WDR89: variants seen among roughly 807,000 people sequenced by gnomAD.
The protein encoded by WDR89 is WD repeat-containing protein 89.
In WDR89, 17 loss-of-function variants were observed where a neutral mutation model predicts 29.1. The observed-to-expected ratio is 0.58, with a 90% CI of 0.40 to 0.88. The LOEUF (loss-of-function observed/expected upper bound fraction) is 0.88. Ranked by LOEUF, WDR89 falls within the 40% of genes least tolerant of loss-of-function variation. The pLI is 0.00. For synonymous variants in WDR89, 138 were observed against 157.8 expected, an observed-to-expected ratio of 0.87 and a Z score of 0.94; for missense variants, 396 against 456.3, an observed-to-expected ratio of 0.87 and a Z score of 1.20.
chr14:63,599,922 T>G lies in WDR89; in HGVS notation c.21A>C (p.Gln7His). The part of the protein sequence containing the change: MEKIEE[Q>H]FANLHIVKCS... ...ATTTAACAATGTGCAGATTAGCAAA[T>G]TGTTCCTCAATCTTTTCCATGTCAA... The change falls in exon 3 of 3, where the codon CAA becomes CAC. Residue 7 changes from glutamine (Q) to histidine (H), a missense_variant. By Grantham distance (24) the Gln-to-His change is conservative. Transcript: ENST00000620954. The G allele has an allele frequency of 6.2e-7, 1 of 1,601,650 alleles. No individual in the cohort carries two copies. Among genetic ancestry groups the G allele is most frequent in the Middle Eastern group, 1.7e-4 (1 of 6,012 alleles).
At chr14:63,608,142 G>A (rs1043449989) in intron 2 of WDR89, among the ~76,000 whole-genome samples, 1 of 152,124 alleles carries the variant, frequency 6.6e-6, no homozygotes, top group African/African-American at 2.4e-5. Context: ...GGAGGCGGAG[G>A]TTGCAGTGAG....
Position 63,598,831 on chromosome 14 carries a change from T to TC in WDR89, c.1111_1112insG (p.Gln371ArgfsTer7). 2 of 1,612,464 alleles carry TC rather than the reference T, an allele frequency of 1.2e-6. No homozygotes were observed. Among genetic ancestry groups the TC allele is most frequent in the Non-Finnish European group, 1.7e-6 (2 of 1,179,396 alleles). ...ATCATTACTATGAACTCGTACTCGT[T>TC]GGTGCACAGAGGATGCTATTTTCAT... On this transcript the variant is annotated frameshift_variant, in exon 3 of 3. Coordinates refer to ENST00000620954, the MANE Select transcript of WDR89 (RefSeq NM_080666.4). LOFTEE classifies it high-confidence loss of function.
At chr14:63,608,033 C>G (rs1271516551) in intron 2 of WDR89, among the ~76,000 whole-genome samples, 1 of 152,004 alleles carries the variant, frequency 6.6e-6, no homozygotes, top group Non-Finnish European at 1.5e-5. Context: ...TGGTGAAACC[C>G]CATCTCTACT....
intron 1 of WDR89, among the ~76,000 whole-genome samples, chr14:63,631,119 A>C (rs373666802): frequency 6.6e-6 from 1 of 152,176 alleles, no homozygotes; most frequent in East Asian, 1.9e-4. Flanking sequence ...TCTCACCACA[A>C]AGTGATCAAC....
intron 1 of WDR89, among the ~76,000 whole-genome samples, chr14:63,625,397 T>C (rs1363144097): frequency 1.6e-5 from 2 of 126,748 alleles, no homozygotes; most frequent in Non-Finnish European, 3.1e-5. Flanking sequence ...TTCATCAAAC[T>C]ACATACTTAC....
chr14:63,641,235 A>G (rs1172558371), intron 1 of WDR89: 1 of 152,256 alleles, frequency 6.6e-6, no homozygotes, highest in Non-Finnish European at 1.5e-5. Flanking sequence ...AGCTAAAGAA[A>G]ACACAAGAAT....
At chr14:63,601,755 G>C (rs567707699) in intron 2 of WDR89, 1 of 1,340,608 alleles carries the variant, frequency 7.5e-7, no homozygotes, top group Non-Finnish European at 1.1e-6. Flanking sequence ...AGTAGTTCTA[G>C]ATGACAAGGA....
chr14:63,607,211 G>A (rs184134389), intron 2 of WDR89, among the ~76,000 whole-genome samples: 54 of 152,190 alleles, frequency 3.5e-4, no homozygotes, highest in Non-Finnish European at 6.2e-4. Context: ...TGCCCAGGCT[G>A]GACTGCAGTG....
At chr14:63,641,600 C>G (rs552293309) in intron 1 of WDR89, among the ~76,000 whole-genome samples, 1 of 152,266 alleles carries the variant, frequency 6.6e-6, no homozygotes, top group Admixed American at 6.5e-5. Flanking sequence ...TTGGCCAGGG[C>G]CAGCACAGGT....
At chr14:63,614,619 G>GA (rs1385564446) in intron 2 of WDR89, among the ~76,000 whole-genome samples, 4 of 152,132 alleles carry the variant, frequency 2.6e-5, no homozygotes, top group African/African-American at 9.7e-5. Flanking sequence ...TGTCCTAGAG[G>GA]AAACAATACC....
chr14:63,607,795 C>T (rs184870850), intron 2 of WDR89, among the ~76,000 whole-genome samples: 1 of 150,516 alleles, frequency 6.6e-6, no homozygotes, highest in Admixed American at 6.6e-5. Flanking sequence ...GCAGGAGAAT[C>T]GCTTGAACCC....
chr14:63,599,178 A>T lies in WDR89; in HGVS notation c.765T>A (p.Val255=), dbSNP rs1366859655. 3.7e-6 allele frequency: 6 copies of T among 1,611,252 alleles called. No individual in the cohort carries two copies. Among genetic ancestry groups the T allele is most frequent in the Non-Finnish European group, 5.1e-6 (6 of 1,178,112 alleles). Residue 255 remains valine, a synonymous_variant, in exon 3 of 3, where the codon GTT becomes GTA. Coordinates refer to ENST00000620954, the MANE Select transcript of WDR89 (RefSeq NM_080666.4). ...TGACATCCTGGATGTTCAAACGTGTAACTGGTTCATCAGTGTCCAGATGAT... is the reference window on the plus strand; with the variant it reads ...TGACATCCTGGATGTTCAAACGTGTTACTGGTTCATCAGTGTCCAGATGAT... The part of the protein sequence containing the change: ...DLNHLDTDEP[V]TRLNIQDVRE...
At chr14:63,621,926 C>G (rs1232279150) in intron 2 of WDR89, 1 of 152,156 alleles carries the variant, frequency 6.6e-6, no homozygotes, top group Non-Finnish European at 1.5e-5. Context: ...GATTCACTGC[C>G]AGCAAAACTG....
At chr14:63,604,296 C>A (rs1895213680) in intron 2 of WDR89, among the ~76,000 whole-genome samples, 1 of 152,074 alleles carries the variant, frequency 6.6e-6, no homozygotes, top group Admixed American at 6.6e-5. Context: ...TGTGGTAGTG[C>A]ACGCCTGTAG....
chr14:63,632,357 G>C (rs190270428), intron 1 of WDR89, among the ~76,000 whole-genome samples: 24 of 152,156 alleles, frequency 1.6e-4, no homozygotes, highest in African/African-American at 5.8e-4. Context: ...TAGGCCGGGC[G>C]TGATGGCTCC....
At chr14:63,639,603 G>A (rs1883967851) in intron 1 of WDR89, among the ~76,000 whole-genome samples, 1 of 152,004 alleles carries the variant, frequency 6.6e-6, no homozygotes, top group African/African-American at 2.4e-5. Context: ...ATATTGAACA[G>A]AATTAACATA....
At chr14:63,640,234 A>C (rs1044712003) in intron 1 of WDR89, among the ~76,000 whole-genome samples, 4 of 152,218 alleles carry the variant, frequency 2.6e-5, no homozygotes, top group Non-Finnish European at 5.9e-5. Flanking sequence ...TCCAGGCTCC[A>C]CAAGAAAGAA....
At chr14:63,601,174 TTAAGA>T (rs1273113288) in intron 2 of WDR89, among the ~76,000 whole-genome samples, 3 of 152,000 alleles carry the variant, frequency 2.0e-5, no homozygotes, top group African/African-American at 7.3e-5. Flanking sequence ...TCCAGAACCG[TTAAGA>T]TAATAAACTT....
At chr14:63,633,992 T>A (rs1293033398) in intron 1 of WDR89, among the ~76,000 whole-genome samples, 1 of 152,192 alleles carries the variant, frequency 6.6e-6, no homozygotes, top group Non-Finnish European at 1.5e-5. Flanking sequence ...ACTACTGCCA[T>A]CTAGCAGGAG....
Sources: gnomAD v4.1 joint callset for allele counts (sites outside exome capture counted in the v4.1 genomes callset) on GRCh38, gnomAD v4.1.1 for gene constraint, MANE v1.5 for transcripts, NCBI Gene and HGNC (gene_info 2026-07-23, HGNC 2026-07-21) for gene names.